Variants in AUTS2 observed in about 807,000 individuals in gnomAD.
AUTS2 encodes the protein activator of transcription and developmental regulator AUTS2.
A neutral mutation model predicts 112.4 loss-of-function variants in AUTS2; 17 were observed. The observed-to-expected ratio is 0.15, with a 90% confidence interval of 0.10 to 0.23. The LOEUF (loss-of-function observed/expected upper bound fraction) is 0.23, where lower values mean the gene tolerates loss of function less well. AUTS2 is among the 10% of genes least tolerant of loss of function. The pLI, the probability that AUTS2 is intolerant of heterozygous loss-of-function variation, is 1.00. For missense variants in AUTS2, 1,510 were observed against 1,701.6 expected (o/e 0.89, Z 1.98); for synonymous variants, 751 against 702.7 (o/e 1.07, Z -1.09).
At chr7:69,927,338 C>T (rs1027402164) in intron 2 of AUTS2, among the ~76,000 whole-genome samples, 5 of 151,340 alleles carry the variant, frequency 3.3e-5, no homozygotes, top group Non-Finnish European at 4.4e-5. Flanking sequence ...TTTATACTGT[C>T]GATGACATGA....
chr7:70,703,490 C>CAAAAAAAAAAAAAAAAAAAA (rs57223380), intron 6 of AUTS2, among the ~76,000 whole-genome samples: 1 of 98,640 alleles, frequency 1.0e-5, no homozygotes, highest in African/African-American at 4.0e-5. Flanking sequence ...GACACCATTT[C>CAAAAAAAAAAAAAAAAAAAA]AAAAAAAAAA....
intron 2 of AUTS2, among the ~76,000 whole-genome samples, chr7:69,976,790 T>A (rs547358526): frequency 3.3e-5 from 5 of 152,322 alleles, no homozygotes; most frequent in Non-Finnish European, 7.4e-5. Context: ...AATCAGTTAT[T>A]TGTTTTTCAT....
intron 5 of AUTS2, among the ~76,000 whole-genome samples, chr7:70,537,691 T>C (rs1800378785): frequency 6.6e-6 from 1 of 152,128 alleles, no homozygotes; most frequent in African/African-American, 2.4e-5. Context: ...CACAGCTCTC[T>C]CCTGTAAGCA....
At chr7:70,342,553 A>T (rs955544986) in intron 4 of AUTS2, among the ~76,000 whole-genome samples, 2 of 152,184 alleles carry the variant, frequency 1.3e-5, no homozygotes, top group African/African-American at 2.4e-5. Context: ...GGCACTAGCG[A>T]CATGTGGCTG....
intron 4 of AUTS2, among the ~76,000 whole-genome samples, chr7:70,191,161 CTT>C (rs34637651): frequency 0.14 from 11,465 of 84,828 alleles, 188 homozygotes; most frequent in Middle Eastern, 0.24. Context: ...CCACTTATTT[CTT>C]TTTTTTTTTT....
chr7:70,322,771 C>T (rs1315913930), intron 4 of AUTS2, among the ~76,000 whole-genome samples: 1 of 152,184 alleles, frequency 6.6e-6, no homozygotes, highest in Admixed American at 6.5e-5. Flanking sequence ...CCTGCAAGCT[C>T]AGGCAGATGC....
intron 4 of AUTS2, among the ~76,000 whole-genome samples, chr7:70,412,623 C>T (rs1340620851): frequency 6.6e-6 from 1 of 152,218 alleles, no homozygotes; most frequent in Non-Finnish European, 1.5e-5. Flanking sequence ...TCTGGCAGCT[C>T]ACCAAATGTT....
chr7:69,699,935 TA>T (rs1376590266), intron 1 of AUTS2, among the ~76,000 whole-genome samples: 2 of 152,164 alleles, frequency 1.3e-5, no homozygotes, highest in Non-Finnish European at 2.9e-5. Context: ...ATACAGTGAA[TA>T]ATCTTGATCA....
intron 4 of AUTS2, among the ~76,000 whole-genome samples, chr7:70,286,745 A>G (rs904390396): frequency 6.6e-6 from 1 of 152,208 alleles, no homozygotes; most frequent in African/African-American, 2.4e-5. Flanking sequence ...AGAGTAGAAT[A>G]GGTTATTTCC....
intron 6 of AUTS2, among the ~76,000 whole-genome samples, chr7:70,744,625 G>T (rs910483572): frequency 6.6e-6 from 1 of 152,206 alleles, no homozygotes; most frequent in Non-Finnish European, 1.5e-5. Context: ...GGCGCATGCC[G>T]TTGTCAGACC....
chr7:69,970,085 C>G (rs774716822), intron 2 of AUTS2, among the ~76,000 whole-genome samples: 1 of 152,062 alleles, frequency 6.6e-6, no homozygotes, highest in Non-Finnish European at 1.5e-5. Context: ...TTTTAACCAC[C>G]ACCACACTAA....
chr7:70,348,563 G>T (rs1791601076), intron 4 of AUTS2, among the ~76,000 whole-genome samples: 1 of 152,154 alleles, frequency 6.6e-6, no homozygotes, highest in Non-Finnish European at 1.5e-5. Flanking sequence ...CCAGCACTTT[G>T]GGAGGCCGAG....
At chr7:70,346,570 C>T (rs1256433340) in intron 4 of AUTS2, among the ~76,000 whole-genome samples, 2 of 152,128 alleles carry the variant, frequency 1.3e-5, no homozygotes, top group African/African-American at 2.4e-5. Flanking sequence ...GCTCACCTCC[C>T]CAGGCAAGCA....
rs147038721 is a variant in AUTS2, at chr7:70,455,429, G to A, written c.690+19648G>A. Among the ~76,000 whole-genome samples the A allele has an allele frequency of 1.7e-3, 261 of 152,230 alleles. 1 individual carries two copies. The highest frequency in any genetic ancestry group is 5.9e-3 in the African/African-American group (246 of 41,524). ...CTGGCCCTGGCTCATTCGTCTGATTGGATTGTTAGCAAGCCAAATATGACC... is the reference window on the plus strand; with the variant it reads ...CTGGCCCTGGCTCATTCGTCTGATTAGATTGTTAGCAAGCCAAATATGACC... On this transcript the variant is annotated intron_variant, in intron 5 of 18. Coordinates refer to ENST00000342771, the MANE Select transcript of AUTS2 (RefSeq NM_015570.4).
chr7:70,477,842 C>T (rs563929185), intron 5 of AUTS2, among the ~76,000 whole-genome samples: 2 of 152,374 alleles, frequency 1.3e-5, no homozygotes, highest in Non-Finnish European at 2.9e-5. Flanking sequence ...AACAAAATAG[C>T]AAAAGATAAG....
intron 4 of AUTS2, among the ~76,000 whole-genome samples, chr7:70,183,828 TTTTTC>T (rs1490294173): frequency 7.2e-6 from 1 of 138,056 alleles, no homozygotes; most frequent in Admixed American, 7.3e-5. Context: ...TTTTTCTGTC[TTTTTC>T]TTTTTTTTTT....
At chr7:70,217,588 G>T (rs1811237514) in intron 4 of AUTS2, among the ~76,000 whole-genome samples, 1 of 152,162 alleles carries the variant, frequency 6.6e-6, no homozygotes, top group East Asian at 1.9e-4. Context: ...TGTGAATCAG[G>T]TATATTTGCT....
At chr7:70,360,460 G>A (rs1792210114) in intron 4 of AUTS2, among the ~76,000 whole-genome samples, 1 of 152,114 alleles carries the variant, frequency 6.6e-6, no homozygotes, top group African/African-American at 2.4e-5. Flanking sequence ...TCTTTAAATG[G>A]GTCCTTGTTA....
intron 1 of AUTS2, among the ~76,000 whole-genome samples, chr7:69,785,428 TAGA>T (rs1435103178): frequency 6.6e-6 from 1 of 152,378 alleles, no homozygotes; most frequent in African/African-American, 2.4e-5. Flanking sequence ...TCACTCAAAG[TAGA>T]TGTTTGGCTG....
Sources: allele counts gnomAD v4.1 joint callset (sites outside exome capture counted in the v4.1 genomes callset), GRCh38; gene constraint gnomAD v4.1.1; transcripts MANE v1.5; gene names NCBI Gene and HGNC (gene_info 2026-07-23, HGNC 2026-07-21).